Variants in PRKCB observed in about 807,000 individuals in gnomAD.
PRKCB encodes protein kinase C beta.
A neutral mutation model predicts 81.5 loss-of-function variants in PRKCB; 13 were observed. The observed-to-expected ratio is 0.16, with a 90% CI of 0.10 to 0.25. The LOEUF is 0.25. Ranked by LOEUF, PRKCB falls within the 10% of genes least tolerant of loss-of-function variation. PRKCB has a pLI of 1.00. For synonymous variants in PRKCB, 335 were observed against 321.4 expected, an observed-to-expected ratio of 1.04 and a Z score of -0.45; for missense variants, 509 against 875.7, an observed-to-expected ratio of 0.58 and a Z score of 5.29.
intron 2 of PRKCB, among the ~76,000 whole-genome samples, chr16:23,924,418 G>A (rs1270638721): frequency 6.6e-6 from 1 of 151,944 alleles, no homozygotes; most frequent in African/African-American, 2.4e-5. Flanking sequence ...ACTTCAAAGC[G>A]GCTGGGCAAG....
rs1207352177 is a variant in PRKCB at position 24,219,253 on chromosome 16, T to G, written c.*4437T>G. 1.0e-6 allele frequency: 1 copy of G among 976,282 alleles called. No individual in the cohort carries two copies. Among genetic ancestry groups the G allele is most frequent in the Non-Finnish European group, 1.2e-6 (1 of 821,730 alleles). 60.5% of individuals were successfully genotyped at this position (976,282 alleles called of 1,614,324 possible). ...CGAGTTGCTTTGAGTTTCTTTTGTT[T>G]TGTTTTGTTTTGTTTTGTTTTAAGG... On this transcript the variant is annotated 3_prime_UTR_variant, in exon 17 of 17. Coordinates refer to ENST00000643927, the MANE Select transcript of PRKCB (RefSeq NM_002738.7).
chr16:24,081,186 T>G (rs9889197), intron 5 of PRKCB, among the ~76,000 whole-genome samples: 7,528 of 152,080 alleles, frequency 0.05, 543 homozygotes, highest in African/African-American at 0.16. Flanking sequence ...ATTAGCAAAT[T>G]AAATTCAGCA....
At chr16:24,068,659 T>G (rs1966071302) in intron 5 of PRKCB, among the ~76,000 whole-genome samples, 1 of 151,926 alleles carries the variant, frequency 6.6e-6, no homozygotes, top group African/African-American at 2.4e-5. Context: ...CAAAATAGAT[T>G]TAGAGTGGTA....
intron 2 of PRKCB, among the ~76,000 whole-genome samples, chr16:23,858,004 T>G (rs1962600746): frequency 6.6e-6 from 1 of 152,168 alleles, no homozygotes; most frequent in South Asian, 2.1e-4. Flanking sequence ...AATTGAGAAA[T>G]TTTTCCAAAG....
chr16:24,013,809 G>C lies in PRKCB; in HGVS notation c.289-18327G>C, dbSNP rs1006963738. On this transcript the variant is annotated intron_variant, in intron 3 of 16. Transcript: ENST00000643927. ...AAAAAAAAAAAAAGTATAGACATCA[G>C]AGTTGGCCTGCACAGAATTCACCTT... 2.0e-5 allele frequency among the ~76,000 whole-genome samples: 3 copies of C among 149,218 alleles called. No individual in the cohort carries two copies. In the East Asian group the frequency reaches 5.9e-4, roughly 29 times the overall value.
chr16:24,170,063 C>T (rs1003903474), intron 10 of PRKCB, among the ~76,000 whole-genome samples: 4 of 152,116 alleles, frequency 2.6e-5, no homozygotes, highest in South Asian at 4.1e-4. Context: ...ATTACAGGCA[C>T]GAGCCGCTGT....
chr16:23,960,008 C>T (rs1431641165), intron 2 of PRKCB, among the ~76,000 whole-genome samples: 1 of 152,128 alleles, frequency 6.6e-6, no homozygotes, highest in Non-Finnish European at 1.5e-5. Flanking sequence ...CAGCTGTTCA[C>T]CTGAGGGCTT....
At chr16:24,007,190 T>C (rs893756165) in intron 3 of PRKCB, among the ~76,000 whole-genome samples, 1 of 152,154 alleles carries the variant, frequency 6.6e-6, no homozygotes, top group East Asian at 1.9e-4. Flanking sequence ...ACCCACCTCA[T>C]AGGGTCCACG....
intron 9 of PRKCB, among the ~76,000 whole-genome samples, chr16:24,127,747 T>C (rs1966847075): frequency 6.6e-6 from 1 of 152,162 alleles, no homozygotes; most frequent in Non-Finnish European, 1.5e-5. Context: ...AGACTGGAGA[T>C]ATAGCATCAG....
chr16:24,220,241 G>T lies in PRKCB; in HGVS notation c.*5425G>T. On this transcript the variant is annotated 3_prime_UTR_variant, in exon 17 of 17. Coordinates refer to ENST00000643927, the MANE Select transcript of PRKCB (RefSeq NM_002738.7). ...AACATGTGGAAAGCTTGTCTTAGAG[G>T]GCTTTTCTTTGTATGTGTAGCTTGC... is the stretch of plus-strand genomic sequence containing the variant. 1.7e-6 allele frequency: 2 copies of T among 1,197,144 alleles called. No individual in the cohort carries two copies. The highest frequency in any genetic ancestry group is 2.3e-6 in the Non-Finnish European group (2 of 863,682). 74.2% of individuals were successfully genotyped at this position (1,197,144 alleles called of 1,614,324 possible). A position where few individuals can be genotyped will look rare whatever the true frequency, so the allele number is the denominator to read the frequency against.
At chr16:24,047,258 C>T (rs1965778937) in intron 5 of PRKCB, among the ~76,000 whole-genome samples, 1 of 152,152 alleles carries the variant, frequency 6.6e-6, no homozygotes, top group Admixed American at 6.5e-5. Flanking sequence ...AGGAGAATCG[C>T]TTGAACCCGG....
chr16:24,168,103 A>T (rs1316044140), intron 10 of PRKCB, among the ~76,000 whole-genome samples: 1 of 152,200 alleles, frequency 6.6e-6, no homozygotes, highest in African/African-American at 2.4e-5. Context: ...TGTATGGAAG[A>T]TTTTTTTAAA....
At chr16:23,896,300 T>C (rs191697362) in intron 2 of PRKCB, among the ~76,000 whole-genome samples, 1 of 152,356 alleles carries the variant, frequency 6.6e-6, no homozygotes, top group Non-Finnish European at 1.5e-5. Context: ...TTTTTATGTT[T>C]TTTGGACCCA....
intron 2 of PRKCB, chr16:23,892,848 C>T (rs1963316733): frequency 6.6e-6 from 1 of 152,122 alleles, no homozygotes; most frequent in Admixed American, 6.5e-5. Context: ...GAATATCTGC[C>T]TTCTGATCTC....
At chr16:23,988,677 A>G (rs1964833337) in intron 3 of PRKCB, 87 bp downstream of exon 3, 1 of 1,236,886 alleles carries the variant, frequency 8.1e-7, no homozygotes. Flanking sequence ...TAGACGAGTA[A>G]GTGTGGACGA....
chr16:24,089,710 G>A (rs1161841423), intron 5 of PRKCB, among the ~76,000 whole-genome samples: 1 of 152,096 alleles, frequency 6.6e-6, no homozygotes, highest in Non-Finnish European at 1.5e-5. Context: ...GGGAGGTCGA[G>A]GCTGCAGTGA....
chr16:24,021,829 G>A (rs367683070), intron 3 of PRKCB, among the ~76,000 whole-genome samples: 10 of 152,178 alleles, frequency 6.6e-5, no homozygotes, highest in East Asian at 3.9e-4. Flanking sequence ...AGAATCTGGG[G>A]ACATGACATA....
At chr16:24,203,009 G>A (rs1486544312) in intron 16 of PRKCB, 1 of 152,098 alleles carries the variant, frequency 6.6e-6, no homozygotes, top group African/African-American at 2.4e-5. Context: ...TTGAGCTTGA[G>A]CCCAGGAGTT....
chr16:24,101,764 A>G (rs533646751), intron 7 of PRKCB, among the ~76,000 whole-genome samples: 16 of 152,342 alleles, frequency 1.1e-4, no homozygotes. Flanking sequence ...CACACATGCC[A>G]TATCCTTCTT....
Sources: allele counts gnomAD v4.1 joint callset (sites outside exome capture counted in the v4.1 genomes callset), GRCh38; gene constraint gnomAD v4.1.1; transcripts MANE v1.5; gene names NCBI Gene and HGNC (gene_info 2026-07-23, HGNC 2026-07-21).